Variants in OR52E4 observed in about 807,000 individuals in gnomAD.
OR52E4 encodes olfactory receptor family 52 subfamily E member 4.
For missense variants in OR52E4, 444 were observed against 383.8 expected, an observed-to-expected ratio of 1.16 and a Z score of -1.31; for synonymous variants, 169 against 137.4, an observed-to-expected ratio of 1.23 and a Z score of -1.61.
In OR52E4 at chr11:5,886,169, C is replaced by T. The variant is rs61876209; in HGVS notation, c.*938C>T. 0.84 allele frequency: 121,293 copies of T among 145,094 alleles called. 48,747 individuals are homozygous for T. Among genetic ancestry groups the T allele is most frequent in the East Asian group, 0.85 (4,188 of 4,914 alleles). 9.0% of individuals were successfully genotyped at this position (145,094 alleles called of 1,614,324 possible). A position where few individuals can be genotyped will look rare whatever the true frequency, so the allele number is the denominator to read the frequency against. ...TGATCATGTGAGTTAATACTTAATT[C>T]CCCCTTTGTGTGTGTGTGTATGTGT... On this transcript the variant is annotated 3_prime_UTR_variant, in exon 2 of 2. Transcript: ENST00000641726.
Position 5,884,517 on chromosome 11 carries a change from G to T in OR52E4, c.225G>T (p.Leu75=), listed in dbSNP as rs987162256. The change falls in exon 2 of 2, where the codon CTG becomes CTT. Residue 75 remains leucine (L), a synonymous_variant. Transcript: ENST00000641726. ...TGTTGTCTATGATTGATCTGGGTCT[G>T]TCCACATCCACTATCCCCAAAATGC... ...LAMLSMIDLG[L]STSTIPKMLG... 6.2e-7 allele frequency: 1 copy of T among 1,613,436 alleles called. No homozygotes were observed. The highest frequency in any genetic ancestry group is 8.5e-7 in the Non-Finnish European group (1 of 1,179,648).
In OR52E4 at chr11:5,880,644, G is replaced by A. The variant is rs145245353; in HGVS notation, c.-145G>A. ...GAGGCTTCAAGGGGAACCTAATCAC[G>A]GTCTTTAAGAACCTGGACTCATGCT... On this transcript the variant is annotated 5_prime_UTR_variant, in exon 1 of 2. Transcript: ENST00000641726. The A allele has an allele frequency of 6.9e-3, 1,050 of 152,216 alleles. 3 individuals are homozygous for A. The highest frequency in any genetic ancestry group is 0.02 in the Middle Eastern group (6 of 294). 9.4% of individuals were successfully genotyped at this position (152,216 alleles called of 1,614,324 possible).
intron 1 of OR52E4, among the ~76,000 whole-genome samples, chr11:5,881,292 T>C (rs1317085907): frequency 6.6e-6 from 1 of 152,112 alleles, no homozygotes; most frequent in African/African-American, 2.4e-5. Context: ...CCCAAGCCAT[T>C]TTTATTGTAA....
Position 5,885,117 on chromosome 11 carries a change from T to G in OR52E4, c.825T>G (p.Ile275Met). ...FGQNIPHYIH[I>M]LLANLYVVVP... ...AAAACATTCCCCACTATATCCATAT[T>G]CTTTTGGCTAACCTGTATGTGGTTG... The change falls in exon 2 of 2, where the codon ATT (isoleucine) becomes ATG (methionine). Residue 275 changes from isoleucine (I) to methionine (M), a missense_variant. Ile to Met is a conservative substitution (Grantham distance 10). Transcript: ENST00000641726. 6.2e-7 allele frequency: 1 copy of G among 1,613,504 alleles called. No homozygotes were observed. The highest frequency in any genetic ancestry group is 1.3e-5 in the African/African-American group (1 of 74,982).
At position 5,885,226 on chromosome 11, in the gene OR52E4, GA is replaced by G; in HGVS notation, c.936del (p.Glu312AspfsTer9). 6.4e-7 allele frequency: 1 copy of G among 1,570,030 alleles called. No homozygotes were observed. The highest frequency in any genetic ancestry group is 8.7e-7 in the Non-Finnish European group (1 of 1,154,168). On this transcript the variant is annotated frameshift_variant, in exon 2 of 2. Transcript: ENST00000641726. LOFTEE classifies it high-confidence loss of function. The stretch of plus-strand genomic sequence containing the variant: ...AATTGTGAAAATATTTGTACAGAAA[GA>G]ATAATTCTGTATTAAAGTTTGGATA... ...EQIVKIFVQK[E>X]
intron 1 of OR52E4, among the ~76,000 whole-genome samples, chr11:5,881,504 C>T (rs946193381): frequency 2.0e-5 from 3 of 152,100 alleles, no homozygotes; most frequent in Non-Finnish European, 4.4e-5. Flanking sequence ...CCATAAAAAT[C>T]TAGACATAAA....
Position 5,884,227 on chromosome 11 carries a change from C to T in OR52E4, c.-66C>T. On this transcript the variant is annotated 5_prime_UTR_variant, in exon 2 of 2. Transcript: ENST00000641726. ...TCTTTCTGTTTCTTCAGGAACTTGA[C>T]AAGAGAGGACCTTAAAGAAAGTGAG... 1 of 1,148,844 alleles carries T rather than the reference C, an allele frequency of 8.7e-7. No individual in the cohort carries two copies. The highest frequency in any genetic ancestry group is 1.4e-5 in the South Asian group (1 of 69,254). 71.2% of individuals were successfully genotyped at this position (1,148,844 alleles called of 1,614,324 possible). A position where few individuals can be genotyped will look rare whatever the true frequency, so the allele number is the denominator to read the frequency against.
intron 1 of OR52E4, among the ~76,000 whole-genome samples, chr11:5,881,568 C>A (rs1335768639): frequency 6.6e-6 from 1 of 152,064 alleles, no homozygotes; most frequent in Non-Finnish European, 1.5e-5. Context: ...CTGAGCCATT[C>A]CTCCTTTATC....
Position 5,885,244 on chromosome 11 carries a change from G to T in OR52E4, c.*13G>T. On this transcript the variant is annotated 3_prime_UTR_variant, in exon 2 of 2. Transcript: ENST00000641726. ...ACAGAAAGAATAATTCTGTATTAAA[G>T]TTTGGATAAATATATCTATATACAA... The T allele has an allele frequency of 6.5e-7, 1 of 1,531,094 alleles. No homozygotes were observed. The allele number at this position is 1,531,094 out of a possible 1,614,324, so 94.8% of individuals were successfully genotyped here.
Position 5,885,187 on chromosome 11 carries a change from C to A in OR52E4, c.895C>A (p.Gln299Lys). 6.2e-7 allele frequency: 1 copy of A among 1,602,642 alleles called. No homozygotes were observed. The highest frequency in any genetic ancestry group is 1.7e-4 in the Middle Eastern group (1 of 5,980). ...TGTCATTTATGGAGTCAGGACCAAG[C>A]AGATCCGAGAGCAAATTGTGAAAAT... is the stretch of plus-strand genomic sequence containing the variant. ...NPVIYGVRTK[Q>K]IREQIVKIFV... Residue 299 changes from glutamine (Q) to lysine (K), a missense_variant, in exon 2 of 2, where the codon CAG becomes AAG. Transcript: ENST00000641726.
rs1025424542 is a variant in OR52E4, at chr11:5,886,808, G to C, written c.*1577G>C. ...CAAAAGTACGCAGATAACGATTTTA[G>C]GAAATGGGGGCGGATATAGCCAAGT... On this transcript the variant is annotated 3_prime_UTR_variant, in exon 2 of 2. Coordinates refer to ENST00000641726, the MANE Select transcript of OR52E4 (RefSeq NM_001005165.2). 2 of 152,072 alleles carry C rather than the reference G, an allele frequency of 1.3e-5. No individual in the cohort carries two copies. Among genetic ancestry groups the C allele is most frequent in the African/African-American group, 4.8e-5 (2 of 41,426 alleles). The allele number at this position is 152,072 out of a possible 1,614,324, so 9.4% of individuals were successfully genotyped here.
Position 5,885,330 on chromosome 11 carries a change from C to A in OR52E4, c.*99C>A. 3.5e-6 allele frequency: 3 copies of A among 861,748 alleles called. No individual in the cohort carries two copies. The highest frequency in any genetic ancestry group is 1.7e-5 in the African/African-American group (1 of 58,488). 53.4% of individuals were successfully genotyped at this position (861,748 alleles called of 1,614,324 possible). A position where few individuals can be genotyped will look rare whatever the true frequency, so the allele number is the denominator to read the frequency against. ...TTCTGTAACAGTTGGTCATGCTTGT[C>A]AGATTTTTTCCTTTTGACTGGAAGT... On this transcript the variant is annotated 3_prime_UTR_variant, in exon 2 of 2. Transcript: ENST00000641726.
Position 5,884,461 on chromosome 11 carries a change from C to G in OR52E4, c.169C>G (p.Leu57Val). The G allele has an allele frequency of 6.2e-7, 1 of 1,613,526 alleles. No individual in the cohort carries two copies. The highest frequency in any genetic ancestry group is 1.3e-5 in the African/African-American group (1 of 74,974). The change falls in exon 2 of 2, where the codon CTA becomes GTA. Residue 57 changes from leucine to valine, a missense_variant. By Grantham distance (32) the Leu-to-Val change is conservative. Coordinates refer to ENST00000641726, the MANE Select transcript of OR52E4 (RefSeq NM_001005165.2). The stretch of plus-strand genomic sequence containing the variant: ...CTTTGTGATCAAAACTGAACATAGT[C>G]TACACCAGCCCATGTTCTACTTCCT... ...ILFVIKTEHS[L>V]HQPMFYFLAM...
rs1847020612 is a variant in OR52E4, at chr11:5,885,012, T to C, written c.720T>C (p.Asn240=). ...PSQDVRLKAF[N]TCGSHVCVML... ...AAGATGTCCGACTAAAGGCCTTCAA[T>C]ACCTGTGGTTCTCATGTCTGTGTTA... is the stretch of plus-strand genomic sequence containing the variant. Residue 240 remains asparagine, a synonymous_variant, in exon 2 of 2, where the codon AAT becomes AAC. Coordinates refer to ENST00000641726, the MANE Select transcript of OR52E4 (RefSeq NM_001005165.2). The C allele has an allele frequency of 3.7e-6, 6 of 1,613,142 alleles. No homozygotes were observed. The highest frequency in any genetic ancestry group is 5.1e-6 in the Non-Finnish European group (6 of 1,179,476).
At position 5,884,827 on chromosome 11, in the gene OR52E4, A is replaced by G. The variant is rs762192040; in HGVS notation, c.535A>G (p.Thr179Ala). Residue 179 changes from threonine to alanine, a missense_variant, in exon 2 of 2, where the codon ACA (threonine) becomes GCA (alanine). Thr to Ala is a moderately conservative substitution (Grantham distance 58). Transcript: ENST00000641726. ...PFCGHNIVPH[T>A]YCEHRGLAGL... The stretch of plus-strand genomic sequence containing the variant: ...CTGTGGGCATAACATCGTACCTCAC[A>G]CATACTGTGAGCACAGGGGTCTGGC... 3.7e-6 allele frequency: 6 copies of G among 1,613,380 alleles called. No individual in the cohort carries two copies. The highest frequency in any genetic ancestry group is 1.3e-5 in the African/African-American group (1 of 74,880).
In OR52E4 at chr11:5,884,291, G is replaced by A. The variant is rs1427567521; in HGVS notation, c.-2G>A. The stretch of plus-strand genomic sequence containing the variant: ...AGGAATTCAGTGACACTTGCTGGGA[G>A]AATGCCTTCTATCAATGACACCCAC... On this transcript the variant is annotated 5_prime_UTR_variant, in exon 2 of 2. Coordinates refer to ENST00000641726, the MANE Select transcript of OR52E4 (RefSeq NM_001005165.2). 1 of 1,598,654 alleles carries A rather than the reference G, an allele frequency of 6.3e-7. No homozygotes were observed. Among genetic ancestry groups the A allele is most frequent in the Non-Finnish European group, 8.5e-7 (1 of 1,170,844 alleles).
rs935955 is a variant in OR52E4 at position 5,885,636 on chromosome 11, C to T, written c.*405C>T. The T allele has an allele frequency of 0.82, 127,742 of 156,364 alleles. 52,345 individuals are homozygous for T. Among genetic ancestry groups the T allele is most frequent in the African/African-American group, 0.88 (36,610 of 41,634 alleles). The allele number at this position is 156,364 out of a possible 1,614,324, so 9.7% of individuals were successfully genotyped here. ...TAAGCTGTAATCCAGCAGTAGTGTCCGTTTCATAGCTTTGTATTCTTTACA... is the reference window on the plus strand; with the variant it reads ...TAAGCTGTAATCCAGCAGTAGTGTCTGTTTCATAGCTTTGTATTCTTTACA... On this transcript the variant is annotated 3_prime_UTR_variant, in exon 2 of 2. Coordinates refer to ENST00000641726, the MANE Select transcript of OR52E4 (RefSeq NM_001005165.2).
intron 1 of OR52E4, among the ~76,000 whole-genome samples, chr11:5,881,153 A>G (rs1846958359): frequency 6.6e-6 from 1 of 152,162 alleles, no homozygotes; most frequent in African/African-American, 2.4e-5. Flanking sequence ...ATATTCAAAT[A>G]CAATTACATA....
chr11:5,885,161 C>G lies in OR52E4; in HGVS notation c.869C>G (p.Pro290Arg). 6.2e-7 allele frequency: 1 copy of G among 1,613,240 alleles called. No individual in the cohort carries two copies. The highest frequency in any genetic ancestry group is 8.5e-7 in the Non-Finnish European group (1 of 1,179,590). ...GTGGTTGTCCCACCTGCCCTTAACCCTGTCATTTATGGAGTCAGGACCAAG... is the reference window on the plus strand; with the variant it reads ...GTGGTTGTCCCACCTGCCCTTAACCGTGTCATTTATGGAGTCAGGACCAAG... ...LYVVVPPALN[P>R]VIYGVRTKQI... Residue 290 changes from proline (P) to arginine (R), a missense_variant, in exon 2 of 2, where the codon CCT becomes CGT. Transcript: ENST00000641726.
Sources: allele counts gnomAD v4.1 joint callset (sites outside exome capture counted in the v4.1 genomes callset), GRCh38; gene constraint gnomAD v4.1.1; transcripts MANE v1.5; gene names NCBI Gene and HGNC (gene_info 2026-07-23, HGNC 2026-07-21).